TMEM178A: variants seen among roughly 807,000 people sequenced by gnomAD.
TMEM178A encodes the protein transmembrane protein 178A.
In TMEM178A, 12 loss-of-function variants were observed where a neutral mutation model predicts 29.1. The observed-to-expected ratio is 0.41, with a 90% CI of 0.26 to 0.67. The LOEUF is 0.67. Among genes scored for constraint, TMEM178A ranks in the 30% least tolerant of loss-of-function variants. The probability of loss-of-function intolerance (pLI) is 0.29; values close to 1 mark genes in which losing one functional copy is unlikely to be tolerated. For missense variants in TMEM178A, 366 were observed against 419.1 expected, an observed-to-expected ratio of 0.87 and a Z score of 1.11; for synonymous variants, 210 against 187.2, an observed-to-expected ratio of 1.12 and a Z score of -0.99.
chr2:39,677,621 C>T (rs138277866), intron 1 of TMEM178A, among the ~76,000 whole-genome samples: 65 of 152,076 alleles, frequency 4.3e-4, no homozygotes, highest in African/African-American at 1.4e-3. Context: ...GGGGAGGAAG[C>T]AGTTGTTCAG....
chr2:39,689,298 T>C (rs907238039), intron 1 of TMEM178A, among the ~76,000 whole-genome samples: 1 of 152,194 alleles, frequency 6.6e-6, no homozygotes, highest in African/African-American at 2.4e-5. Context: ...CCATTAATGT[T>C]TATGGATCAT....
intron 1 of TMEM178A, among the ~76,000 whole-genome samples, chr2:39,676,924 G>C (rs1347665341): frequency 6.6e-6 from 1 of 152,186 alleles, no homozygotes; most frequent in South Asian, 2.1e-4. Context: ...TTGAAGAGCT[G>C]TTTGAGTCTC....
At chr2:39,679,887 T>G (rs76183073) in intron 1 of TMEM178A, among the ~76,000 whole-genome samples, 2,479 of 152,302 alleles carry the variant, frequency 0.016, 46 homozygotes, top group East Asian at 0.068. Flanking sequence ...ACCACCCTGC[T>G]GCTGTGTCAG....
intron 1 of TMEM178A, among the ~76,000 whole-genome samples, chr2:39,683,767 A>G (rs974042131): frequency 1.3e-5 from 2 of 152,198 alleles, no homozygotes; most frequent in African/African-American, 4.8e-5. Flanking sequence ...ATGGATGAGG[A>G]TGGGCACAGT....
chr2:39,679,901 T>C (rs983639530), intron 1 of TMEM178A, among the ~76,000 whole-genome samples: 3 of 152,144 alleles, frequency 2.0e-5, no homozygotes, highest in Non-Finnish European at 4.4e-5. Context: ...GTGTCAGACT[T>C]GCTACTAGGG....
Position 39,695,447 on chromosome 2 carries a change from TA to T in TMEM178A, c.401-8632del, listed in dbSNP as rs1182623837. Among the ~76,000 whole-genome samples, 38 of 149,966 alleles carry T rather than the reference TA, an allele frequency of 2.5e-4. 1 individual carries two copies. Among genetic ancestry groups the T allele is most frequent in the Non-Finnish European group, 1.0e-4 (7 of 67,658 alleles). ...TCTAGTAGGCAGTGACAAAGACCAG[TA>T]ATCAAGAGTGAGATGGTGAGGCTCA... On this transcript the variant is annotated intron_variant, in intron 1 of 3. Coordinates refer to ENST00000281961, the MANE Select transcript of TMEM178A (RefSeq NM_152390.3).
the TMEM178A span, among the ~76,000 whole-genome samples, chr2:39,734,711 G>A: frequency 6.6e-6 from 1 of 152,284 alleles, no homozygotes; most frequent in East Asian, 1.9e-4. Context: ...GTCTAGACTA[G>A]CAAGTCCAAA....
At chr2:39,684,432 A>G (rs1483069306) in intron 1 of TMEM178A, among the ~76,000 whole-genome samples, 2 of 152,226 alleles carry the variant, frequency 1.3e-5, no homozygotes, top group Non-Finnish European at 2.9e-5. Context: ...ATGCTAATGT[A>G]TACACAAACA....
intron 3 of TMEM178A, 82 bp from the exon 4 acceptor site, chr2:39,716,927 AT>A: frequency 6.7e-7 from 1 of 1,491,806 alleles, no homozygotes; most frequent in South Asian, 1.3e-5. Context: ...GGTTGATCTG[AT>A]TTTCATAAAG....
At chr2:39,707,283 G>C in intron 3 of TMEM178A, 97 bp downstream of exon 3, 1 of 1,410,984 alleles carries the variant, frequency 7.1e-7, no homozygotes, top group Non-Finnish European at 9.4e-7. Context: ...TGTTAATTTT[G>C]TTTTCACTGT....
intron 3 of TMEM178A, among the ~76,000 whole-genome samples, chr2:39,716,386 C>T (rs747534589): frequency 6.6e-6 from 1 of 152,164 alleles, no homozygotes; most frequent in African/African-American, 2.4e-5. Context: ...TATGTCACTC[C>T]AATTGCCTCC....
intron 1 of TMEM178A, among the ~76,000 whole-genome samples, chr2:39,693,480 C>T (rs954430974): frequency 1.4e-4 from 22 of 152,268 alleles, no homozygotes; most frequent in African/African-American, 4.3e-4. Flanking sequence ...ACAGTGACTC[C>T]GGGAACAAGG....
At chr2:39,704,623 T>A (rs1336574546) in intron 2 of TMEM178A, among the ~76,000 whole-genome samples, 1 of 152,244 alleles carries the variant, frequency 6.6e-6, no homozygotes, top group Non-Finnish European at 1.5e-5. Context: ...AATACCTTTA[T>A]GAGTGTATGT....
rs200732849 is a variant in TMEM178A at position 39,686,415 on chromosome 2, G to GTT, written c.401-17657_401-17656dup. On this transcript the variant is annotated intron_variant, in intron 1 of 3. Transcript: ENST00000281961. Reference sequence around the variant, plus strand: ...TGTCTTCAGAATTCTCTTAAATTAGGTTTTTTTTTTAATTACCTACTTATC... The same window carrying GTT: ...TGTCTTCAGAATTCTCTTAAATTAGGTTTTTTTTTTTTAATTACCTACTTATC... Among the ~76,000 whole-genome samples, 17 of 150,020 alleles carry GTT rather than the reference G, an allele frequency of 1.1e-4. No individual in the cohort carries two copies. The East Asian group carries it at 2.3e-3, about 21-fold the overall frequency.
chr2:39,681,404 T>A (rs1008654676), intron 1 of TMEM178A, among the ~76,000 whole-genome samples: 8 of 152,180 alleles, frequency 5.3e-5, no homozygotes, highest in African/African-American at 1.9e-4. Context: ...ATGTTTGCCC[T>A]GTCATAAGCA....
chr2:39,676,255 C>A (rs1049028655), intron 1 of TMEM178A, among the ~76,000 whole-genome samples: 1 of 152,152 alleles, frequency 6.6e-6, no homozygotes, highest in East Asian at 1.9e-4. Context: ...ACAAGGAAAA[C>A]GTATTATCTT....
chr2:39,732,440 G>A, the TMEM178A span, among the ~76,000 whole-genome samples: 1 of 152,072 alleles, frequency 6.6e-6, no homozygotes, highest in Non-Finnish European at 1.5e-5. Context: ...GATATATACC[G>A]CTCCCATCTG....
At chr2:39,735,299 G>T in the TMEM178A span, among the ~76,000 whole-genome samples, 10 of 152,108 alleles carry the variant, frequency 6.6e-5, no homozygotes, top group African/African-American at 2.4e-4. Flanking sequence ...TGCAGACATT[G>T]CCATATGTCT....
At chr2:39,707,316 T>C (rs901621855) in intron 3 of TMEM178A, 130 bp downstream of exon 3, 1 of 1,179,444 alleles carries the variant, frequency 8.5e-7, no homozygotes, top group African/African-American at 1.5e-5. Context: ...CAGAAGGTCA[T>C]TTTGGCTTTG....
Sources: gnomAD v4.1 joint callset for allele counts (sites outside exome capture counted in the v4.1 genomes callset) on GRCh38, gnomAD v4.1.1 for gene constraint, MANE v1.5 for transcripts, NCBI Gene and HGNC (gene_info 2026-07-23, HGNC 2026-07-21) for gene names.